Variants in HECW1 observed in about 807,000 individuals in gnomAD.
HECW1 encodes HECT, C2 and WW domain containing E3 ubiquitin protein ligase 1.
In HECW1, 61 loss-of-function variants were observed where a neutral mutation model predicts 182.3. The ratio of observed to expected loss-of-function variants is 0.33; its 90% CI spans 0.27 to 0.41. The LOEUF is 0.41. Ranked by LOEUF, HECW1 falls within the 10% of genes least tolerant of loss-of-function variation. The probability of loss-of-function intolerance (pLI) is 1.00; values close to 1 mark genes in which losing one functional copy is unlikely to be tolerated. For missense variants in HECW1, 1,739 were observed against 2,108.9 expected (o/e 0.82, Z 3.44); for synonymous variants, 859 against 832.6 (o/e 1.03, Z -0.55).
intron 3 of HECW1, among the ~76,000 whole-genome samples, chr7:43,268,255 A>G (rs1802005193): frequency 6.6e-6 from 1 of 152,242 alleles, no homozygotes; most frequent in Non-Finnish European, 1.5e-5. Flanking sequence ...CCAATGAGAT[A>G]AATCCTAGAA....
chr7:43,496,773 G>A (rs970019028), intron 19 of HECW1, among the ~76,000 whole-genome samples: 4 of 152,086 alleles, frequency 2.6e-5, no homozygotes, highest in Admixed American at 6.5e-5. Context: ...AGTGACTTGC[G>A]GTGAAAAGCA....
At chr7:43,145,609 T>C (rs1788622189) in intron 2 of HECW1, among the ~76,000 whole-genome samples, 1 of 152,224 alleles carries the variant, frequency 6.6e-6, no homozygotes, top group Admixed American at 6.5e-5. Context: ...GAACAGCTTC[T>C]GGAGGCAGAG....
In HECW1 at chr7:43,463,717, C is replaced by T; in HGVS notation, c.2709C>T (p.Ser903=). 1.2e-6 allele frequency: 2 copies of T among 1,613,932 alleles called. No homozygotes were observed. The highest frequency in any genetic ancestry group is 1.7e-6 in the Non-Finnish European group (2 of 1,179,968). ...ATERSEEDSG[S]QSCEQAPAGG... ...AGAGGTCCGAAGAAGATTCTGGCAGCCAAAGCTGCGAGCAAGCCCCAGCAG... is the reference window on the plus strand; with the variant it reads ...AGAGGTCCGAAGAAGATTCTGGCAGTCAAAGCTGCGAGCAAGCCCCAGCAG... Residue 903 remains serine (S), a synonymous_variant, in exon 14 of 30, where the codon AGC becomes AGT. Coordinates refer to ENST00000395891, the MANE Select transcript of HECW1 (RefSeq NM_015052.5).
At chr7:43,206,275 C>G (rs73690268) in intron 2 of HECW1, among the ~76,000 whole-genome samples, 8,996 of 152,142 alleles carry the variant, frequency 0.059, 351 homozygotes, top group African/African-American at 0.1. Context: ...TGATCTGCCA[C>G]GGAGTCAAGA....
chr7:43,285,130 T>C (rs1464391078), intron 3 of HECW1, among the ~76,000 whole-genome samples: 1 of 152,186 alleles, frequency 6.6e-6, no homozygotes, highest in Non-Finnish European at 1.5e-5. Flanking sequence ...TAACTGGGTC[T>C]TGCTAGGACA....
intron 3 of HECW1, among the ~76,000 whole-genome samples, chr7:43,283,399 C>T (rs1331925357): frequency 6.6e-6 from 1 of 152,132 alleles, no homozygotes; most frequent in Non-Finnish European, 1.5e-5. Flanking sequence ...CTCTTAAAGA[C>T]ATTTTCAGAA....
At position 43,243,730 on chromosome 7, in the gene HECW1, G is replaced by A; in HGVS notation, c.-31-145G>A. ...CTTTATCAAAATGAGTGTGGTCCTT[G>A]TGTGATTTTTCCTTTTGCACGTCGG... On this transcript the variant is annotated intron_variant, in intron 2 of 29. Transcript: ENST00000395891. This position sits in a 1 kb window ranked among gnomAD's most constrained non-coding sequence, Gnocchi z 4.0. 2 of 691,218 alleles carry A rather than the reference G, an allele frequency of 2.9e-6. No homozygotes were observed. Among genetic ancestry groups the A allele is most frequent in the Non-Finnish European group, 5.4e-6 (2 of 372,688 alleles). The allele number at this position is 691,218 out of a possible 1,614,324, so 42.8% of individuals were successfully genotyped here. A position where few individuals can be genotyped will look rare whatever the true frequency, so the allele number is the denominator to read the frequency against.
chr7:43,343,349 C>A (rs556310074), intron 5 of HECW1, among the ~76,000 whole-genome samples: 2 of 151,310 alleles, frequency 1.3e-5, no homozygotes, highest in South Asian at 4.2e-4. Flanking sequence ...GTACATGTGC[C>A]ATGATGGTTT....
chr7:43,444,818 C>T lies in HECW1; in HGVS notation c.1646C>T (p.Ala549Val). 3.7e-6 allele frequency: 6 copies of T among 1,614,018 alleles called. No homozygotes were observed. The highest frequency in any genetic ancestry group is 5.1e-6 in the Non-Finnish European group (6 of 1,180,016). The part of the protein sequence containing the change: ...VSELETVIAS[A>V]CGDPETPRTH... The stretch of plus-strand genomic sequence containing the variant: ...GAGCTGGAGACGGTGATCGCGTCAG[C>T]CTGCGGGGACCCCGAGACCCCGCGG... Residue 549 changes from alanine (A) to valine (V), a missense_variant, in exon 11 of 30, where the codon GCC becomes GTC. This residue lies in a region of HECW1 where 971 missense variants were observed against 1,029.1 expected (regional missense o/e 0.94). Coordinates refer to ENST00000395891, the MANE Select transcript of HECW1 (RefSeq NM_015052.5). The surrounding 1 kb of genome is among the most constrained non-coding windows in gnomAD (Gnocchi z 4.3).
At chr7:43,307,401 G>T (rs180957942) in intron 3 of HECW1, among the ~76,000 whole-genome samples, 1 of 152,132 alleles carries the variant, frequency 6.6e-6, no homozygotes, top group Non-Finnish European at 1.5e-5. Flanking sequence ...AGTGATATCC[G>T]TTGATTTCCC....
At chr7:43,434,273 C>G (rs1437094709) in intron 8 of HECW1, among the ~76,000 whole-genome samples, 1 of 152,098 alleles carries the variant, frequency 6.6e-6, no homozygotes, top group South Asian at 2.1e-4. Flanking sequence ...GTTCAATAAC[C>G]AGAGAGTCAA....
intron 7 of HECW1, 120 bp from the exon 8 acceptor site, chr7:43,407,442 G>A: frequency 1.4e-6 from 1 of 692,872 alleles, no homozygotes; most frequent in South Asian, 2.5e-5. Context: ...ACCTGCCTGA[G>A]TAACACTAGA....
chr7:43,161,775 T>A (rs1045872018), intron 2 of HECW1: 2 of 152,194 alleles, frequency 1.3e-5, no homozygotes, highest in Non-Finnish European at 2.9e-5. Flanking sequence ...TGTTTTAGAT[T>A]TTTCCTTTTC....
intron 2 of HECW1, among the ~76,000 whole-genome samples, chr7:43,186,816 C>A (rs1334324378): frequency 6.6e-6 from 1 of 152,148 alleles, no homozygotes; most frequent in African/African-American, 2.4e-5. Context: ...AGGTTTTCAG[C>A]CTAGAAGCAA....
Position 43,445,071 on chromosome 7 carries a change from C to G in HECW1, c.1899C>G (p.Ser633=). ...CAGGCACGGCGCACCCTGGCCACTC[C>G]GGGGGCCACTTCCCCAGCCTGGCCA... The part of the protein sequence containing the change: ...ATPGTAHPGH[S]GGHFPSLANG... The change falls in exon 11 of 30, where the codon TCC becomes TCG. Residue 633 remains serine (S), a synonymous_variant. Coordinates refer to ENST00000395891, the MANE Select transcript of HECW1 (RefSeq NM_015052.5). 6.3e-7 allele frequency: 1 copy of G among 1,596,848 alleles called. No homozygotes were observed. The highest frequency in any genetic ancestry group is 1.1e-5 in the South Asian group (1 of 89,338).
At chr7:43,552,739 G>A (rs1032183786) in intron 28 of HECW1, among the ~76,000 whole-genome samples, 2 of 152,172 alleles carry the variant, frequency 1.3e-5, no homozygotes, top group African/African-American at 4.8e-5. Context: ...TATGTAGCAT[G>A]TTTCAGTATT....
At chr7:43,346,359 C>G (rs1196663346) in intron 5 of HECW1, among the ~76,000 whole-genome samples, 1 of 151,546 alleles carries the variant, frequency 6.6e-6, no homozygotes, top group Non-Finnish European at 1.5e-5. Context: ...TTTTTTCTTA[C>G]TGATTTGAGT....
At chr7:43,175,079 C>T (rs1792087670) in intron 2 of HECW1, among the ~76,000 whole-genome samples, 1 of 152,246 alleles carries the variant, frequency 6.6e-6, no homozygotes, top group South Asian at 2.1e-4. Context: ...CTTTTCCCAA[C>T]ATTTTATTAT....
chr7:43,342,963 T>C (rs2152801414), intron 5 of HECW1, among the ~76,000 whole-genome samples: 1 of 151,284 alleles, frequency 6.6e-6, no homozygotes, highest in Middle Eastern at 3.4e-3. Context: ...GAGGTGGAGC[T>C]GGCAGTGAGC....
Sources: gnomAD v4.1 joint callset for allele counts (sites outside exome capture counted in the v4.1 genomes callset) on GRCh38, gnomAD v4.1.1 for gene constraint, gnomAD v4.1.1 regional missense constraint, Gnocchi (gnomAD v3.1) non-coding constraint, MANE v1.5 for transcripts, NCBI Gene and HGNC (gene_info 2026-07-23, HGNC 2026-07-21) for gene names.